UBE2G1: variants seen among roughly 807,000 people sequenced by gnomAD.
The protein encoded by UBE2G1 is ubiquitin conjugating enzyme E2 G1.
In UBE2G1, 5 loss-of-function variants were observed where a neutral mutation model predicts 22.7. The observed-to-expected ratio is 0.22, with a 90% confidence interval of 0.12 to 0.46. The LOEUF (loss-of-function observed/expected upper bound fraction) is 0.46, where lower values mean the gene tolerates loss of function less well. UBE2G1 is among the 20% of genes least tolerant of loss of function. The pLI is 0.99. For synonymous variants in UBE2G1, 74 were observed against 67.5 expected (o/e 1.10, Z -0.47); for missense variants, 88 against 203.9 (o/e 0.43, Z 3.46).
At chr17:4,337,264 C>T (rs2143788863) in intron 1 of UBE2G1, among the ~76,000 whole-genome samples, 1 of 150,578 alleles carries the variant, frequency 6.6e-6, no homozygotes, top group South Asian at 2.1e-4. Context: ...TCCCTTGAGC[C>T]CAGGAGGTCA....
intron 5 of UBE2G1, among the ~76,000 whole-genome samples, chr17:4,276,520 G>A (rs1449616016): frequency 6.6e-6 from 1 of 152,154 alleles, no homozygotes; most frequent in Non-Finnish European, 1.5e-5. Flanking sequence ...TACCTGGCTA[G>A]GCAAACAGTC....
At chr17:4,357,504 T>G (rs867170456) in intron 1 of UBE2G1, among the ~76,000 whole-genome samples, 2,316 of 9,732 alleles carry the variant, frequency 0.24, 240 homozygotes, top group African/African-American at 0.39. Flanking sequence ...TGTGTGTGTG[T>G]GTGTGGGGGG....
chr17:4,279,785 TTATATATATA>T lies in UBE2G1; in HGVS notation c.*37+3003_*37+3012del, dbSNP rs71144177. ...GCGAAACTCTGCCCCCAAAAAAAAG[TTATATATATA>T]TATATATATATATATATATATATAT... is the stretch of plus-strand genomic sequence containing the variant. On this transcript the variant is annotated intron_variant, in intron 5 of 5. Coordinates refer to ENST00000396981, the MANE Select transcript of UBE2G1 (RefSeq NM_003342.5). Among the ~76,000 whole-genome samples the T allele has an allele frequency of 4.7e-3, 327 of 68,880 alleles. 13 individuals are homozygous for T. Among genetic ancestry groups the T allele is most frequent in the Middle Eastern group, 0.036 (4 of 112 alleles). The allele number at this position is 68,880 out of a possible 152,430, so 45.2% of individuals were successfully genotyped here. A position where few individuals can be genotyped will look rare whatever the true frequency, so the allele number is the denominator to read the frequency against.
chr17:4,340,823 G>C (rs1969702697), intron 1 of UBE2G1, among the ~76,000 whole-genome samples: 1 of 147,048 alleles, frequency 6.8e-6, no homozygotes, highest in Non-Finnish European at 1.5e-5. Flanking sequence ...GACCAGGCTG[G>C]TCTTGAACTC....
Position 4,359,598 on chromosome 17 carries a change from C to G in UBE2G1, c.46+6673G>C, listed in dbSNP as rs116777524. Among the ~76,000 whole-genome samples, 942 of 152,292 alleles carry G rather than the reference C, an allele frequency of 6.2e-3. 5 individuals carry two copies. The highest frequency in any genetic ancestry group is 0.021 in the African/African-American group (887 of 41,566). ...TAAAAACTTCTGATTAGACCGGGCG[C>G]GATGGCTCACGCCTGTAATCCCAAC... On this transcript the variant is annotated intron_variant, in intron 1 of 5. Coordinates refer to ENST00000396981, the MANE Select transcript of UBE2G1 (RefSeq NM_003342.5).
At chr17:4,336,927 C>T (rs1969654989) in intron 1 of UBE2G1, among the ~76,000 whole-genome samples, 1 of 152,064 alleles carries the variant, frequency 6.6e-6, no homozygotes, top group South Asian at 2.1e-4. Flanking sequence ...AAAAACTGAT[C>T]ATCAATTTAG....
chr17:4,306,656 CTTTGT>C (rs920708121), intron 2 of UBE2G1, among the ~76,000 whole-genome samples: 10 of 151,746 alleles, frequency 6.6e-5, no homozygotes, highest in Non-Finnish European at 1.3e-4. Flanking sequence ...TGTGGTTTTG[CTTTGT>C]TTTGTTTTGA....
At chr17:4,321,142 C>G (rs573901643) in intron 1 of UBE2G1, among the ~76,000 whole-genome samples, 1 of 151,790 alleles carries the variant, frequency 6.6e-6, no homozygotes, top group Non-Finnish European at 1.5e-5. Flanking sequence ...AGAGGAAGAC[C>G]CCATCTTAAA....
At chr17:4,329,109 GAAAAAAAAAAAA>G (rs56962666) in intron 1 of UBE2G1, among the ~76,000 whole-genome samples, 14 of 91,760 alleles carry the variant, frequency 1.5e-4, no homozygotes, top group Admixed American at 1.1e-3. Flanking sequence ...GTCTCAAAAA[GAAAAAAAAAAAA>G]AAAAAAAAAA....
At chr17:4,289,972 C>G (rs936366341) in intron 3 of UBE2G1, among the ~76,000 whole-genome samples, 1 of 152,092 alleles carries the variant, frequency 6.6e-6, no homozygotes, top group African/African-American at 2.4e-5. Context: ...CCAATGAAAA[C>G]TCATCAACAT....
chr17:4,292,066 T>A (rs989977976), intron 3 of UBE2G1, among the ~76,000 whole-genome samples: 1 of 152,060 alleles, frequency 6.6e-6, no homozygotes, highest in Non-Finnish European at 1.5e-5. Context: ...CACTGTAATG[T>A]ATGGCTGGCC....
chr17:4,310,223 C>T (rs532641077), intron 1 of UBE2G1, among the ~76,000 whole-genome samples: 1 of 152,252 alleles, frequency 6.6e-6, no homozygotes, highest in East Asian at 1.9e-4. Context: ...AATCTTTTGG[C>T]TTCTGCTAAA....
chr17:4,345,756 C>G (rs1198140201), intron 1 of UBE2G1: 2 of 152,142 alleles, frequency 1.3e-5, no homozygotes, highest in African/African-American at 4.8e-5. Context: ...TCTCATCTTA[C>G]AAGGGAAGGT....
chr17:4,349,207 C>G (rs1969815668), intron 1 of UBE2G1, among the ~76,000 whole-genome samples: 1 of 151,640 alleles, frequency 6.6e-6, no homozygotes, highest in Non-Finnish European at 1.5e-5. Context: ...GTAGTCCCAG[C>G]TACTCAGGAT....
intron 3 of UBE2G1, 147 bp from the exon 4 acceptor site, chr17:4,289,555 G>T: frequency 1.2e-6 from 1 of 852,786 alleles, no homozygotes; most frequent in Non-Finnish European, 1.7e-6. Flanking sequence ...GCAATGTGTT[G>T]ACTTTTTAAG....
At chr17:4,305,840 C>A (rs1367318196) in intron 2 of UBE2G1, among the ~76,000 whole-genome samples, 1 of 152,186 alleles carries the variant, frequency 6.6e-6, no homozygotes, top group East Asian at 1.9e-4. Flanking sequence ...ACGCACCAAG[C>A]CAGCAGATGC....
At chr17:4,274,901 A>G (rs66493857) in intron 5 of UBE2G1, among the ~76,000 whole-genome samples, 83,365 of 118,286 alleles carry the variant, frequency 0.7, 26,035 homozygotes, top group East Asian at 0.84. Context: ...AAATAATATA[A>G]TTAGCCAGCC....
At chr17:4,350,653 C>G (rs568869845) in intron 1 of UBE2G1, among the ~76,000 whole-genome samples, 1 of 152,268 alleles carries the variant, frequency 6.6e-6, no homozygotes, top group African/African-American at 2.4e-5. Flanking sequence ...ATTTAAATCA[C>G]TCTTAGATGA....
intron 3 of UBE2G1, among the ~76,000 whole-genome samples, chr17:4,293,401 A>G (rs1240229545): frequency 6.6e-6 from 1 of 151,830 alleles, no homozygotes; most frequent in Non-Finnish European, 1.5e-5. Context: ...ATGGGTCCAC[A>G]TTTTGTTTTT....
Sources: allele counts gnomAD v4.1 joint callset (sites outside exome capture counted in the v4.1 genomes callset), GRCh38; gene constraint gnomAD v4.1.1; transcripts MANE v1.5; gene names NCBI Gene and HGNC (gene_info 2026-07-23, HGNC 2026-07-21).